The following DCLRE1C variants were observed in gnomAD, a reference collection of about 807,000 sequenced individuals.
DCLRE1C encodes the protein protein artemis.
DCLRE1C carries 47 observed loss-of-function variants against 61.4 expected under a neutral mutation model. The observed-to-expected ratio is 0.77, with a 90% CI of 0.61 to 0.98. DCLRE1C has a LOEUF of 0.98. Among genes scored for constraint, DCLRE1C ranks in the 50% least tolerant of loss-of-function variants. The probability of loss-of-function intolerance (pLI) is 0.00; values close to 1 mark genes in which losing one functional copy is unlikely to be tolerated. For synonymous variants in DCLRE1C, 337 were observed against 287.6 expected (o/e 1.17, Z -1.74); for missense variants, 858 against 816.0 (o/e 1.05, Z -0.63).
At chr10:14,929,801 C>G (rs1838670264) in intron 9 of DCLRE1C, among the ~76,000 whole-genome samples, 3 of 152,204 alleles carry the variant, frequency 2.0e-5, no homozygotes, top group Admixed American at 2.0e-4. Flanking sequence ...ACGTTCCATC[C>G]CACTCAAATT....
chr10:14,945,307 G>T, intron 2 of DCLRE1C, 118 bp from the exon 3 acceptor site: 1 of 1,400,602 alleles, frequency 7.1e-7, no homozygotes. Context: ...TGACCAACAT[G>T]GTGAAACCCC....
At chr10:14,933,408 C>A (rs1839348298) in intron 8 of DCLRE1C, among the ~76,000 whole-genome samples, 1 of 152,108 alleles carries the variant, frequency 6.6e-6, no homozygotes, top group Non-Finnish European at 1.5e-5. Context: ...AGGCGGAGGC[C>A]GGTGGATCAC....
intron 12 of DCLRE1C, among the ~76,000 whole-genome samples, chr10:14,920,924 A>C (rs1277426379): frequency 6.6e-6 from 1 of 152,084 alleles, no homozygotes; most frequent in African/African-American, 2.4e-5. Flanking sequence ...TGGAGTTTGC[A>C]GTGAGCCGAG....
Position 14,907,186 on chromosome 10 carries a change from A to G in DCLRE1C, c.*1222T>C, listed in dbSNP as rs1344340791. ...CTTGAGCATTTTCTTTTATATTCTA[A>G]TTGTCCGCTTCTAATTTGGCCACCG... On this transcript the variant is annotated 3_prime_UTR_variant, in exon 14 of 14. Coordinates refer to ENST00000378278, the MANE Select transcript of DCLRE1C (RefSeq NM_001033855.3). Among the ~76,000 whole-genome samples, 3 of 151,510 alleles carry G rather than the reference A, an allele frequency of 2.0e-5. No individual in the cohort carries two copies. The highest frequency in any genetic ancestry group is 7.3e-5 in the African/African-American group (3 of 41,190).
Position 14,907,188 on chromosome 10 carries a change from T to A in DCLRE1C, c.*1220A>T, listed in dbSNP as rs1208806707. On this transcript the variant is annotated 3_prime_UTR_variant, in exon 14 of 14. Transcript: ENST00000378278. ...TGAGCATTTTCTTTTATATTCTAAT[T>A]GTCCGCTTCTAATTTGGCCACCGTA... 2.0e-5 allele frequency among the ~76,000 whole-genome samples: 3 copies of A among 151,828 alleles called. No homozygotes were observed. Among genetic ancestry groups the A allele is most frequent in the Admixed American group, 1.3e-4 (2 of 15,210 alleles).
chr10:14,926,780 G>A lies in DCLRE1C; in HGVS notation c.972+63C>T. On this transcript the variant is annotated intron_variant, in intron 11 of 13. Coordinates refer to ENST00000378278, the MANE Select transcript of DCLRE1C (RefSeq NM_001033855.3). ...GCTTCTGAGAGTCAGGGGACTACCTGTCAACTACCAAGGCTGCAGAACACT... is the reference window on the plus strand; with the variant it reads ...GCTTCTGAGAGTCAGGGGACTACCTATCAACTACCAAGGCTGCAGAACACT... The A allele has an allele frequency of 4.5e-6, 6 of 1,335,882 alleles. No individual in the cohort carries two copies. In the South Asian group the frequency reaches 7.1e-5, roughly 16 times the overall value. The allele number at this position is 1,335,882 out of a possible 1,614,324, so 82.8% of individuals were successfully genotyped here.
At chr10:14,924,026 T>G (rs1053102358) in intron 11 of DCLRE1C, among the ~76,000 whole-genome samples, 1 of 152,184 alleles carries the variant, frequency 6.6e-6, no homozygotes, top group African/African-American at 2.4e-5. Context: ...TCATGCTGTC[T>G]GAAATAAGGA....
intron 12 of DCLRE1C, among the ~76,000 whole-genome samples, chr10:14,921,945 T>C (rs1007805529): frequency 1.1e-4 from 17 of 152,232 alleles, no homozygotes; most frequent in Admixed American, 3.9e-4. Context: ...CATCGACATC[T>C]GCAAGCCTGG....
chr10:14,929,855 TAGAGTTA>T (rs1420963276), intron 9 of DCLRE1C, among the ~76,000 whole-genome samples: 1 of 152,132 alleles, frequency 6.6e-6, no homozygotes, highest in Non-Finnish European at 1.5e-5. Flanking sequence ...AGGTGCAGAT[TAGAGTTA>T]AGAGTGGACT....
intron 13 of DCLRE1C, among the ~76,000 whole-genome samples, chr10:14,915,001 C>T (rs1835932678): frequency 6.7e-6 from 1 of 148,500 alleles, no homozygotes; most frequent in Admixed American, 6.7e-5. Context: ...ATTTAGATAA[C>T]AGAATAATCC....
chr10:14,928,064 G>C lies in DCLRE1C; in HGVS notation c.869C>G (p.Ser290Cys), dbSNP rs1589019320. Residue 290 changes from serine to cysteine, a missense_variant, in exon 10 of 14, where the codon TCC becomes TGC. Ser to Cys is a moderately radical substitution (Grantham distance 112). Around this residue, in one of 2 missense-constraint regions of DCLRE1C, gnomAD observed 843 missense variants for 783.5 expected, o/e 1.08. Coordinates refer to ENST00000378278, the MANE Select transcript of DCLRE1C (RefSeq NM_001033855.3). ...GCTCCTTTCTCCAAACCACATGGTG[G>C]ATGGCTTAATGCTGATTATGTGGAG... ...IPLHIISIKP[S>C]TMWFGERSRK... 1 of 1,613,792 alleles carries C rather than the reference G, an allele frequency of 6.2e-7. No homozygotes were observed. Among genetic ancestry groups the C allele is most frequent in the Non-Finnish European group, 8.5e-7 (1 of 1,179,888 alleles).
At chr10:14,949,116 A>G (rs760418325) in intron 1 of DCLRE1C, 29 bp from the exon 2 acceptor site, 6 of 1,527,920 alleles carry the variant, frequency 3.9e-6, no homozygotes, top group East Asian at 2.2e-5. Flanking sequence ...AAACTCATGA[A>G]TATGTTTTTC....
In DCLRE1C at chr10:14,928,135, C is replaced by A. The variant is rs181619477; in HGVS notation, c.798G>T (p.Gln266His). ...CRHPKAEEYFQWSKLPCGITS... is the reference protein window; with the variant it reads ...CRHPKAEEYFHWSKLPCGITS... ...TAATTCCACAGGGTAATTTGCTCCA[C>A]TGAAAATATTCCTCTGCCTAAAAAA... Residue 266 changes from glutamine (Q) to histidine (H), a missense_variant, in exon 10 of 14, where the codon CAG (glutamine) becomes CAT (histidine). Physicochemically the swap from Gln to His is conservative, Grantham distance 24 (BLOSUM62 0). This residue lies in a region of DCLRE1C where 843 missense variants were observed against 783.5 expected (regional missense o/e 1.08). Coordinates refer to ENST00000378278, the MANE Select transcript of DCLRE1C (RefSeq NM_001033855.3). 1 of 1,613,308 alleles carries A rather than the reference C, an allele frequency of 6.2e-7. No individual in the cohort carries two copies. Among genetic ancestry groups the A allele is most frequent in the Non-Finnish European group, 8.5e-7 (1 of 1,179,606 alleles).
chr10:14,936,489 CA>C, intron 5 of DCLRE1C, 48 bp downstream of exon 5: 1 of 1,446,518 alleles, frequency 6.9e-7, no homozygotes, highest in Non-Finnish European at 9.7e-7. Context: ...TCTACAAATA[CA>C]ATATGTGTCT....
Position 14,935,498 on chromosome 10 carries a change from T to C in DCLRE1C, c.429A>G (p.Glu143=). The C allele has an allele frequency of 6.2e-7, 1 of 1,614,088 alleles. No homozygotes were observed. The highest frequency in any genetic ancestry group is 8.5e-7 in the Non-Finnish European group (1 of 1,179,986). ...AGTGCAGAAGCTCCATTCTAGCAGC[T>C]TCTCCTTGCGCCAATCTGAAGTCTC... is the stretch of plus-strand genomic sequence containing the variant. ...YTGDFRLAQG[E]AARMELLHSG... is the part of the protein sequence containing the mutation. The change falls in exon 6 of 14, where the codon GAA becomes GAG. Residue 143 remains glutamate, a synonymous_variant. Transcript: ENST00000378278.
chr10:14,943,119 T>C (rs575551633), intron 3 of DCLRE1C, among the ~76,000 whole-genome samples: 1 of 151,588 alleles, frequency 6.6e-6, no homozygotes, highest in African/African-American at 2.4e-5. Flanking sequence ...AGTGAGACTA[T>C]CTCAAAAAAA....
At chr10:14,928,845 C>T (rs1838486318) in intron 9 of DCLRE1C, among the ~76,000 whole-genome samples, 1 of 148,592 alleles carries the variant, frequency 6.7e-6, no homozygotes, top group South Asian at 2.1e-4. Context: ...TGTGGTGGTA[C>T]CATCTCAACT....
chr10:14,903,670 TG>T (rs1485025872), downstream of DCLRE1C: 2 of 152,070 alleles, frequency 1.3e-5, no homozygotes, highest in African/African-American at 4.8e-5. Flanking sequence ...TTCAAGGGAG[TG>T]GGAGGCTTCC....
At chr10:14,912,573 T>C (rs959036042) in intron 13 of DCLRE1C, among the ~76,000 whole-genome samples, 6 of 152,214 alleles carry the variant, frequency 3.9e-5, no homozygotes, top group African/African-American at 1.4e-4. Flanking sequence ...GCCTGTACAA[T>C]TGAATATTGG....
Sources: allele counts gnomAD v4.1 joint callset (sites outside exome capture counted in the v4.1 genomes callset), GRCh38; gene constraint gnomAD v4.1.1; regional missense constraint gnomAD v4.1.1; transcripts MANE v1.5; gene names NCBI Gene and HGNC (gene_info 2026-07-23, HGNC 2026-07-21).